The following PTPN13 variants were observed in gnomAD, a reference collection of about 807,000 sequenced individuals.
PTPN13 encodes protein tyrosine phosphatase non-receptor type 13.
In PTPN13, 191 loss-of-function variants were observed where a neutral mutation model predicts 284.0. The observed-to-expected ratio is 0.67, with a 90% CI of 0.60 to 0.76. The LOEUF (loss-of-function observed/expected upper bound fraction) is 0.76, where lower values mean the gene tolerates loss of function less well. Ranked by LOEUF, PTPN13 falls within the 30% of genes least tolerant of loss-of-function variation. PTPN13 has a pLI of 0.00. For missense variants in PTPN13, 2,797 were observed against 2,939.9 expected, an observed-to-expected ratio of 0.95 and a Z score of 1.12; for synonymous variants, 986 against 1,022.3, an observed-to-expected ratio of 0.96 and a Z score of 0.68.
intron 2 of PTPN13, among the ~76,000 whole-genome samples, chr4:86,639,805 T>C (rs1723548407): frequency 6.6e-6 from 1 of 151,748 alleles, no homozygotes; most frequent in Non-Finnish European, 1.5e-5. Context: ...AATGTGCACA[T>C]GTACCCTAAA....
At chr4:86,706,038 C>T (rs1417954992) in intron 7 of PTPN13, among the ~76,000 whole-genome samples, 2 of 152,192 alleles carry the variant, frequency 1.3e-5, no homozygotes, top group Non-Finnish European at 2.9e-5. Flanking sequence ...ATAATCTCCT[C>T]AGCATTTCCC....
In PTPN13 at chr4:86,717,062, A is replaced by G. The variant is rs1167675997; in HGVS notation, c.1330A>G (p.Ser444Gly). Reference protein sequence around the residue: ...SEASKRFESSSGLPGVDETLS... With the variant: ...SEASKRFESSGGLPGVDETLS... ...AGCCTCAAAGAGGTTTGAATCCAGCAGTGGTCTCCCAGGGGTAGATGAAAC... is the reference window on the plus strand; with the variant it reads ...AGCCTCAAAGAGGTTTGAATCCAGCGGTGGTCTCCCAGGGGTAGATGAAAC... The change falls in exon 9 of 48, where the codon AGT becomes GGT. Residue 444 changes from serine to glycine, a missense_variant. Physicochemically the swap from Ser to Gly is moderately conservative, Grantham distance 56. Transcript: ENST00000411767. The G allele has an allele frequency of 3.7e-6, 6 of 1,613,442 alleles. No homozygotes were observed. The highest frequency in any genetic ancestry group is 1.7e-5 in the Admixed American group (1 of 59,962).
rs1201145871 is a variant in PTPN13, at chr4:86,701,254, T to G, written c.648T>G (p.Thr216=). 12 of 1,564,714 alleles carry G rather than the reference T, an allele frequency of 7.7e-6. No individual in the cohort carries two copies. Among genetic ancestry groups the G allele is most frequent in the Non-Finnish European group, 1.0e-5 (12 of 1,159,526 alleles). ...GKGLPTGRSS[T]SDVLDIQKPP... is the part of the protein sequence containing the mutation. ...TTATCATTCCAGGAAGAAGCTCTAC[T>G]TCTGATGTACTAGACATACAAAAGC... Residue 216 remains threonine (T), a synonymous_variant, in exon 7 of 48, where the codon ACT becomes ACG. Transcript: ENST00000411767.
At chr4:86,807,978 C>A in intron 45 of PTPN13, 81 bp downstream of exon 45, 1 of 1,205,158 alleles carries the variant, frequency 8.3e-7, no homozygotes, top group Non-Finnish European at 1.2e-6. Context: ...GTGATTGCAC[C>A]AATGTTATTT....
chr4:86,787,696 A>G (rs1195422449), intron 40 of PTPN13, among the ~76,000 whole-genome samples: 1 of 152,216 alleles, frequency 6.6e-6, no homozygotes, highest in African/African-American at 2.4e-5. Context: ...GCATATCAAA[A>G]CATAAATATT....
chr4:86,647,622 A>G (rs188861560), intron 2 of PTPN13, among the ~76,000 whole-genome samples: 218 of 152,256 alleles, frequency 1.4e-3, no homozygotes, highest in African/African-American at 5.2e-3. Flanking sequence ...TGTGTTCCTC[A>G]AACATTCATG....
chr4:86,796,821 C>T (rs576284733), intron 40 of PTPN13, 53 bp from the exon 41 acceptor site: 90 of 1,163,254 alleles, frequency 7.7e-5, no homozygotes, highest in South Asian at 1.3e-4. Flanking sequence ...AAATAGTATG[C>T]GATTTTTTTT....
In PTPN13 at chr4:86,642,453, T is replaced by C. The variant is rs1723916177; in HGVS notation, c.115+7082T>C. Among the ~76,000 whole-genome samples the C allele has an allele frequency of 8.3e-5, 11 of 132,270 alleles. No homozygotes were observed. In the South Asian group the frequency reaches 2.9e-3, roughly 35 times the overall value. 86.8% of individuals were successfully genotyped at this position (132,270 alleles called of 152,430 possible). A position where few individuals can be genotyped will look rare whatever the true frequency, so the allele number is the denominator to read the frequency against. On this transcript the variant is annotated intron_variant, in intron 2 of 47. Coordinates refer to ENST00000411767, the MANE Select transcript of PTPN13 (RefSeq NM_080683.3). ...TTTCTTCTTCTTCTTCTTCTTCTTTTTTTTTTTTTTTTTTTTTGAGATGGA... is the reference window on the plus strand; with the variant it reads ...TTTCTTCTTCTTCTTCTTCTTCTTTCTTTTTTTTTTTTTTTTTGAGATGGA...
In PTPN13 at chr4:86,717,066, G is replaced by A. The variant is rs987059490; in HGVS notation, c.1334G>A (p.Gly445Asp). Residue 445 changes from glycine (G) to aspartate (D), a missense_variant, in exon 9 of 48, where the codon GGT becomes GAT. Physicochemically the swap from Gly to Asp is moderately conservative, Grantham distance 94. Transcript: ENST00000411767. ...EASKRFESSS[G>D]LPGVDETLSQ... ...TCAAAGAGGTTTGAATCCAGCAGTG[G>A]TCTCCCAGGGGTAGATGAAACCTTA... is the stretch of plus-strand genomic sequence containing the variant. 1.2e-6 allele frequency: 2 copies of A among 1,613,118 alleles called. No homozygotes were observed. Among genetic ancestry groups the A allele is most frequent in the African/African-American group, 2.7e-5 (2 of 74,888 alleles).
intron 3 of PTPN13, among the ~76,000 whole-genome samples, chr4:86,674,284 C>T (rs1000820430): frequency 6.6e-6 from 1 of 152,140 alleles, no homozygotes; most frequent in African/African-American, 2.4e-5. Flanking sequence ...TGGCTATGAA[C>T]ATTCTTTCCC....
rs1033201668 is a variant in PTPN13, at chr4:86,729,512, G to A, written c.1609-2888G>A. Among the ~76,000 whole-genome samples, 35 of 149,176 alleles carry A rather than the reference G, an allele frequency of 2.3e-4. 1 individual carries two copies. The highest frequency in any genetic ancestry group is 7.3e-4 in the African/African-American group (30 of 40,926). On this transcript the variant is annotated intron_variant, in intron 10 of 47. Transcript: ENST00000411767. ...TAGATTTGGTCTTTTCACATATTCCGTGTTTCTTGGAGGCTTTGTTCGTTT... is the reference window on the plus strand; with the variant it reads ...TAGATTTGGTCTTTTCACATATTCCATGTTTCTTGGAGGCTTTGTTCGTTT...
In PTPN13 at chr4:86,688,903, G is replaced by A. The variant is rs767523213; in HGVS notation, c.361-102G>A. The A allele has an allele frequency of 4.8e-4, 381 of 801,828 alleles. 2 individuals are homozygous for A. The highest frequency in any genetic ancestry group is 4.5e-4 in the Non-Finnish European group (234 of 516,674). 49.7% of individuals were successfully genotyped at this position (801,828 alleles called of 1,614,324 possible). Reference sequence around the variant, plus strand: ...AATTTATTTCCTCCAAGTATGTGAAGTGTGTTTTAGTGTGGTTCCTGTGAT... The same window carrying A: ...AATTTATTTCCTCCAAGTATGTGAAATGTGTTTTAGTGTGGTTCCTGTGAT... On this transcript the variant is annotated intron_variant, in intron 4 of 47. Transcript: ENST00000411767.
intron 32 of PTPN13, 60 bp from the exon 33 acceptor site, chr4:86,774,313 T>C (rs1578637101): frequency 6.9e-7 from 1 of 1,456,002 alleles, no homozygotes; most frequent in Non-Finnish European, 9.3e-7. Flanking sequence ...ATAGTCATCT[T>C]TCTGTTTGTC....
rs559996303 is a variant in PTPN13 at position 86,790,065 on chromosome 4, T to A, written c.6345+4129T>A. On this transcript the variant is annotated intron_variant, in intron 40 of 47. Transcript: ENST00000411767. ...AAGGCTTTGTACTTTCTAAAATCAT[T>A]ATACACATACTATATTCTTAGACCA... Among the ~76,000 whole-genome samples the A allele has an allele frequency of 3.3e-5, 5 of 152,232 alleles. No individual in the cohort carries two copies. In the East Asian group the frequency reaches 9.7e-4, roughly 29 times the overall value.
intron 1 of PTPN13, among the ~76,000 whole-genome samples, chr4:86,630,752 T>G (rs1383936035): frequency 1.3e-5 from 2 of 152,154 alleles, no homozygotes; most frequent in Non-Finnish European, 2.9e-5. Flanking sequence ...TAGATTCAAG[T>G]TAAACATTCC....
At chr4:86,730,088 C>A (rs1734759609) in intron 10 of PTPN13, among the ~76,000 whole-genome samples, 1 of 149,746 alleles carries the variant, frequency 6.7e-6, no homozygotes, top group Non-Finnish European at 1.5e-5. Context: ...GATCCCTCAG[C>A]TGCAGGTCTG....
At position 86,771,445 on chromosome 4, in the gene PTPN13, A is replaced by G. The variant is rs542066218; in HGVS notation, c.5078A>G (p.His1693Arg). 2 of 1,565,480 alleles carry G rather than the reference A, an allele frequency of 1.3e-6. No homozygotes were observed. The highest frequency in any genetic ancestry group is 2.3e-5 in the South Asian group (2 of 85,200). Residue 1693 changes from histidine to arginine, a missense_variant, in exon 31 of 48, where the codon CAT becomes CGT. By Grantham distance (29) the His-to-Arg change is conservative. Coordinates refer to ENST00000411767, the MANE Select transcript of PTPN13 (RefSeq NM_080683.3). ...AACATGGTATCACAGGCACAGAGTC[A>G]TCATGAAGCACCCAAGAGTCAAGAA... is the stretch of plus-strand genomic sequence containing the variant. ...LSNMVSQAQS[H>R]HEAPKSQEDT... is the part of the protein sequence containing the mutation.
At chr4:86,797,610 G>A (rs1230379018) in intron 41 of PTPN13, among the ~76,000 whole-genome samples, 2 of 151,988 alleles carry the variant, frequency 1.3e-5, no homozygotes, top group Non-Finnish European at 2.9e-5. Context: ...TTAACTATTG[G>A]AAAAAATGAA....
At chr4:86,649,675 T>C (rs1468197881) in intron 2 of PTPN13, among the ~76,000 whole-genome samples, 1 of 152,210 alleles carries the variant, frequency 6.6e-6, no homozygotes, top group Non-Finnish European at 1.5e-5. Context: ...CTTCCAGCTT[T>C]GTTCTTCTTG....
Sources: gnomAD v4.1 joint callset for allele counts (sites outside exome capture counted in the v4.1 genomes callset) on GRCh38, gnomAD v4.1.1 for gene constraint, MANE v1.5 for transcripts, NCBI Gene and HGNC (gene_info 2026-07-23, HGNC 2026-07-21) for gene names.